Variants in DDX54 observed in about 807,000 individuals in gnomAD.
DDX54 encodes the protein DEAD-box helicase 54.
Under a neutral mutation model 105.5 loss-of-function variants are expected in DDX54, and 67 were observed. The ratio of observed to expected loss-of-function variants is 0.64; its 90% CI spans 0.52 to 0.78. The LOEUF (loss-of-function observed/expected upper bound fraction) is 0.78. Ranked by LOEUF, DDX54 falls within the 30% of genes least tolerant of loss-of-function variation. DDX54 has a pLI of 0.00. For synonymous variants in DDX54, 514 were observed against 509.9 expected (o/e 1.01, Z -0.11); for missense variants, 1,206 against 1,230.5 (o/e 0.98, Z 0.30).
chr12:113,161,497 G>A (rs1952205792), intron 18 of DDX54, 115 bp from the exon 19 acceptor site: 12 of 800,730 alleles, frequency 1.5e-5, no homozygotes, highest in South Asian at 3.5e-5. Flanking sequence ...AAGCTGCTCG[G>A]CCCCGCCCCC....
At chr12:113,172,151 G>C (rs1952347672) in intron 11 of DDX54, among the ~76,000 whole-genome samples, 1 of 150,592 alleles carries the variant, frequency 6.6e-6, no homozygotes, top group South Asian at 2.1e-4. Context: ...TTTGAGACAA[G>C]ATCTTGCTCC....
chr12:113,162,869 G>A (rs1306317893), intron 17 of DDX54, 63 bp downstream of exon 17: 25 of 1,466,084 alleles, frequency 1.7e-5, no homozygotes, highest in African/African-American at 2.8e-5. Context: ...CCCCAGGCAC[G>A]GAGGAGCAGC....
Position 113,161,934 on chromosome 12 carries a change from T to C in DDX54, c.2259A>G (p.Thr753=). The change falls in exon 18 of 20, where the codon ACA becomes ACG. Residue 753 remains threonine, a synonymous_variant. Coordinates refer to ENST00000306014, the MANE Select transcript of DDX54 (RefSeq NM_024072.4). Reference sequence around the variant, plus strand: ...AGCTGCTGATGTAGCGGCCGCTCTCTGTCTTAATCTTCTTCTTGTCTTCCT... The same window carrying C: ...AGCTGCTGATGTAGCGGCCGCTCTCCGTCTTAATCTTCTTCTTGTCTTCCT... The part of the protein sequence containing the change: ...SGQEDKKKIK[T]ESGRYISSSY... The C allele has an allele frequency of 1.2e-6, 2 of 1,612,736 alleles. No homozygotes were observed. Among genetic ancestry groups the C allele is most frequent in the Non-Finnish European group, 8.5e-7 (1 of 1,179,634 alleles).
intron 10 of DDX54, among the ~76,000 whole-genome samples, chr12:113,173,187 AAAAT>A (rs1952359274): frequency 6.6e-6 from 1 of 152,180 alleles, no homozygotes; most frequent in Non-Finnish European, 1.5e-5. Flanking sequence ...AAAAAAAATT[AAAAT>A]AAATAAAAAA....
At position 113,174,714 on chromosome 12, in the gene DDX54, G is replaced by A; in HGVS notation, c.994C>T (p.His332Tyr). 6.2e-7 allele frequency: 1 copy of A among 1,609,342 alleles called. No individual in the cohort carries two copies. The highest frequency in any genetic ancestry group is 1.7e-4 in the Middle Eastern group (1 of 6,048). ...TKAAVLLHLLHNVVRPQDQTV... is the reference protein window; with the variant it reads ...TKAAVLLHLLYNVVRPQDQTV... ...TGGTCCTGGGGCCGCACCACGTTGT[G>A]CAGCAGGTGGAGCAGCACGGCAGCC... Residue 332 changes from histidine to tyrosine, a missense_variant, in exon 10 of 20, where the codon CAC (histidine) becomes TAC (tyrosine). Physicochemically the swap from His to Tyr is moderately conservative, Grantham distance 83. Around this residue, in one of 3 missense-constraint regions of DDX54, gnomAD observed 961 missense variants for 1,019.1 expected, o/e 0.94. Coordinates refer to ENST00000306014, the MANE Select transcript of DDX54 (RefSeq NM_024072.4).
intron 1 of DDX54, among the ~76,000 whole-genome samples, chr12:113,182,571 T>G (rs2136328277): frequency 6.6e-6 from 1 of 152,240 alleles, no homozygotes; most frequent in Middle Eastern, 3.4e-3. Flanking sequence ...CTTCTTTTTT[T>G]TTTTTTGAGA....
intron 18 of DDX54, 113 bp downstream of exon 18, chr12:113,161,780 G>T (rs1180151947): frequency 2.7e-5 from 7 of 255,650 alleles, no homozygotes; most frequent in East Asian, 1.2e-4. Context: ...AAGCCGCTCA[G>T]CCCCGCCCCC....
intron 12 of DDX54, among the ~76,000 whole-genome samples, chr12:113,167,678 C>CT (rs1952292436): frequency 6.6e-6 from 1 of 152,242 alleles, no homozygotes; most frequent in African/African-American, 2.4e-5. Flanking sequence ...CTGGGCCCTG[C>CT]TGACCCCTGG....
At chr12:113,179,449 C>T (rs531226296) in intron 3 of DDX54, 118 bp from the exon 4 acceptor site, 91 of 1,141,874 alleles carry the variant, frequency 8.0e-5, no homozygotes, top group South Asian at 3.1e-4. Flanking sequence ...GGCAGGCACC[C>T]GTCACCCAGC....
In DDX54 at chr12:113,163,088, C is replaced by T. The variant is rs2136314475; in HGVS notation, c.2082-43G>A. On this transcript the variant is annotated intron_variant, in intron 16 of 19. Coordinates refer to ENST00000306014, the MANE Select transcript of DDX54 (RefSeq NM_024072.4). This position sits in a 1 kb window ranked among gnomAD's most constrained non-coding sequence, Gnocchi z 5.9. ...GAGACATAATTGGATTGATGGGACCCAGCGGACCCAACTGCCCCACCCAGG... is the reference window on the plus strand; with the variant it reads ...GAGACATAATTGGATTGATGGGACCTAGCGGACCCAACTGCCCCACCCAGG... 1 of 1,610,216 alleles carries T rather than the reference C, an allele frequency of 6.2e-7. No individual in the cohort carries two copies. Among genetic ancestry groups the T allele is most frequent in the East Asian group, 2.2e-5 (1 of 44,854 alleles).
At chr12:113,160,067 C>G (rs147214691) in intron 19 of DDX54, among the ~76,000 whole-genome samples, 387 of 152,350 alleles carry the variant, frequency 2.5e-3, no homozygotes, top group Non-Finnish European at 4.0e-3. Flanking sequence ...GCCCACTGCA[C>G]GGCAATGCTC....
chr12:113,185,337 T>C lies in DDX54; in HGVS notation c.115A>G (p.Ser39Gly), dbSNP rs1409049845. Residue 39 changes from serine (S) to glycine (G), a missense_variant, in exon 1 of 20, where the codon AGC (serine) becomes GGC (glycine). Physicochemically the swap from Ser to Gly is moderately conservative, Grantham distance 56. Coordinates refer to ENST00000306014, the MANE Select transcript of DDX54 (RefSeq NM_024072.4). ...TCAAACTCGCCGTCCTCCGAGTCGC[T>C]GCCGCGGGCCTGGGAGGCCGCGCCT... Reference protein sequence around the residue: ...RRGAASQARGSDSEDGEFEIQ... With the variant: ...RRGAASQARGGDSEDGEFEIQ... 2 of 1,586,396 alleles carry C rather than the reference T, an allele frequency of 1.3e-6. No homozygotes were observed. Among genetic ancestry groups the C allele is most frequent in the Admixed American group, 1.7e-5 (1 of 57,774 alleles).
At chr12:113,184,817 C>T (rs543528821) in intron 1 of DDX54, among the ~76,000 whole-genome samples, 2 of 152,294 alleles carry the variant, frequency 1.3e-5, no homozygotes, top group African/African-American at 2.4e-5. Context: ...CAGAGCAAGA[C>T]TCTGTCTCAA....
Position 113,185,290 on chromosome 12 carries a change from G to T in DDX54, c.162C>A (p.Ala54=). The T allele has an allele frequency of 6.4e-7, 1 of 1,574,318 alleles. No homozygotes were observed. The highest frequency in any genetic ancestry group is 1.4e-5 in the African/African-American group (1 of 72,684). Residue 54 remains alanine, a synonymous_variant, in exon 1 of 20, where the codon GCC becomes GCA. Coordinates refer to ENST00000306014, the MANE Select transcript of DDX54 (RefSeq NM_024072.4). The stretch of plus-strand genomic sequence containing the variant: ...CCCACGCGCCTACCTTCCGGGCCCG[G>T]GCGTCATCTTCCGCCTGGATCTCAA... The part of the protein sequence containing the change: ...GEFEIQAEDD[A]RARKLGPGRP...
At position 113,169,890 on chromosome 12, in the gene DDX54, C is replaced by A; in HGVS notation, c.1294G>T (p.Ala432Ser). The A allele has an allele frequency of 6.2e-7, 1 of 1,613,578 alleles. No homozygotes were observed. Among genetic ancestry groups the A allele is most frequent in the Non-Finnish European group, 8.5e-7 (1 of 1,179,964 alleles). The change falls in exon 12 of 20, where the codon GCT becomes TCT. Residue 432 changes from alanine to serine, a missense_variant. Coordinates refer to ENST00000306014, the MANE Select transcript of DDX54 (RefSeq NM_024072.4). ...GAGTAGGCTGTGCCACTTCGGCCAG[C>A]CCGAGCCACACGGCCTGCAGCAAGG... The part of the protein sequence containing the change: ...FLHRVGRVAR[A>S]GRSGTAYSLV...
At chr12:113,182,514 C>T (rs897401248) in intron 1 of DDX54, among the ~76,000 whole-genome samples, 6 of 152,082 alleles carry the variant, frequency 3.9e-5, no homozygotes, top group Admixed American at 3.9e-4. Flanking sequence ...GACACACAGG[C>T]GCCTGCAATA....
Position 113,175,054 on chromosome 12 carries a change from C to T in DDX54, c.856G>A (p.Val286Met), listed in dbSNP as rs148961522. The change falls in exon 8 of 20, where the codon GTG becomes ATG. Residue 286 changes from valine to methionine, a missense_variant. By Grantham distance (21) the Val-to-Met change is conservative. Coordinates refer to ENST00000306014, the MANE Select transcript of DDX54 (RefSeq NM_024072.4). Reference protein sequence around the residue: ...LFSATLPKLLVEFARAGLTEP... With the variant: ...LFSATLPKLLMEFARAGLTEP... Reference sequence around the variant, plus strand: ...CACGCACCAGCCCGGGCAAATTCCACCAGCAGTTTGGGCAGCGTGGCGGAG... The same window carrying T: ...CACGCACCAGCCCGGGCAAATTCCATCAGCAGTTTGGGCAGCGTGGCGGAG... 883 of 1,613,962 alleles carry T rather than the reference C, an allele frequency of 5.5e-4. 5 individuals are homozygous for T. In the African/African-American group the frequency reaches 7.4e-3, roughly 14 times the overall value.
chr12:113,169,902 G>A lies in DDX54; in HGVS notation c.1282C>T (p.Arg428Cys), dbSNP rs940274985. The change falls in exon 12 of 20, where the codon CGT becomes TGT. Residue 428 changes from arginine (R) to cysteine (C), a missense_variant and splice_region_variant. Physicochemically the swap from Arg to Cys is radical, Grantham distance 180. This residue lies in a region of DDX54 where 961 missense variants were observed against 1,019.1 expected (regional missense o/e 0.94). Transcript: ENST00000306014. ...CCACTTCGGCCAGCCCGAGCCACAC[G>A]GCCTGCAGCAAGGAGACGTTCAAGC... The part of the protein sequence containing the change: ...KGKLFLHRVG[R>C]VARAGRSGTA... 4.3e-6 allele frequency: 7 copies of A among 1,613,982 alleles called. No homozygotes were observed. The Admixed American group carries it at 5.0e-5, about 12-fold the overall frequency.
chr12:113,169,580 C>T (rs545885099), intron 12 of DDX54, among the ~76,000 whole-genome samples, 190 bp downstream of exon 12: 1 of 152,286 alleles, frequency 6.6e-6, no homozygotes, highest in Admixed American at 6.5e-5. Flanking sequence ...AAGATCACAC[C>T]ACTGCACCCC....
Sources: allele counts gnomAD v4.1 joint callset (sites outside exome capture counted in the v4.1 genomes callset), GRCh38; gene constraint gnomAD v4.1.1; regional missense constraint gnomAD v4.1.1; non-coding constraint Gnocchi (gnomAD v3.1); transcripts MANE v1.5; gene names NCBI Gene and HGNC (gene_info 2026-07-23, HGNC 2026-07-21).